PIGN: variants seen among roughly 807,000 people sequenced by gnomAD.
PIGN encodes the protein phosphatidylinositol glycan anchor biosynthesis class N, also known as GPI ethanolamine phosphate transferase 1.
Under a neutral mutation model 125.4 loss-of-function variants are expected in PIGN, and 117 were observed. The ratio of observed to expected loss-of-function variants is 0.93; its 90% CI spans 0.80 to 1.09. The LOEUF is 1.09. PIGN is among the 50% of genes least tolerant of loss of function. PIGN has a pLI of 0.00. For missense variants in PIGN, 1,075 were observed against 1,094.9 expected (o/e 0.98, Z 0.26); for synonymous variants, 392 against 377.8 (o/e 1.04, Z -0.44).
chr18:62,082,424 A>G (rs1440301683), intron 28 of PIGN, among the ~76,000 whole-genome samples: 1 of 152,084 alleles, frequency 6.6e-6, no homozygotes, highest in Non-Finnish European at 1.5e-5. Context: ...GAGGTTCTTC[A>G]CTAGCTTGAA....
At chr18:62,100,568 ATG>A (rs1376753213) in intron 22 of PIGN, among the ~76,000 whole-genome samples, 4 of 148,392 alleles carry the variant, frequency 2.7e-5, no homozygotes, top group Middle Eastern at 4.0e-3. Context: ...CTTAAATTAC[ATG>A]TTTGCTTCAC....
At chr18:62,175,072 A>T (rs1346791442) in intron 1 of PIGN, among the ~76,000 whole-genome samples, 1 of 87,288 alleles carries the variant, frequency 1.1e-5, no homozygotes, top group Admixed American at 1.4e-4. Context: ...TAATAAATAT[A>T]TATATTTAAT....
chr18:62,031,949 T>C (rs150215911), intron 23 of PIGN, among the ~76,000 whole-genome samples: 153 of 152,334 alleles, frequency 1.0e-3, no homozygotes, highest in African/African-American at 2.7e-3. Flanking sequence ...CTTAAGGCTC[T>C]CGGGGTGGAT....
intron 7 of PIGN, among the ~76,000 whole-genome samples, chr18:62,148,789 T>A (rs1435131825): frequency 6.6e-6 from 1 of 152,190 alleles, no homozygotes; most frequent in Non-Finnish European, 1.5e-5. Context: ...TAATCTCTAA[T>A]GTAGAACATT....
At chr18:62,051,819 G>C (rs2031322072) in intron 30 of PIGN, 1 of 152,120 alleles carries the variant, frequency 6.6e-6, no homozygotes, top group Non-Finnish European at 1.5e-5. Flanking sequence ...GATCTTTCCT[G>C]CTTTCTCTTG....
chr18:62,142,027 G>A (rs2036155507), intron 11 of PIGN, among the ~76,000 whole-genome samples: 1 of 152,106 alleles, frequency 6.6e-6, no homozygotes. Context: ...GCTGACTACA[G>A]TCTATCATAT....
Position 62,143,322 on chromosome 18 carries a change from C to T in PIGN, c.947G>A (p.Arg316Lys). 1 of 1,528,080 alleles carries T rather than the reference C, an allele frequency of 6.5e-7. No individual in the cohort carries two copies. The highest frequency in any genetic ancestry group is 9.0e-7 in the Non-Finnish European group (1 of 1,113,652). The allele number at this position is 1,528,080 out of a possible 1,614,324, so 94.7% of individuals were successfully genotyped here. The change falls in exon 11 of 31, where the codon AGG (arginine) becomes AAG (lysine). Residue 316 changes from arginine (R) to lysine (K), a missense_variant. Coordinates refer to ENST00000640252, the MANE Select transcript of PIGN (RefSeq NM_176787.5). ...ACTGGATACCTGATTGACATCTAGC[C>T]TCTTCCAATTCTCCAATCTCCACTC... ...LKEWRLENWKRLDVNQADIAP... is the reference protein window; with the variant it reads ...LKEWRLENWKKLDVNQADIAP...
intron 14 of PIGN, among the ~76,000 whole-genome samples, chr18:62,119,834 ACT>A (rs2035230139): frequency 7.4e-6 from 1 of 135,038 alleles, no homozygotes; most frequent in South Asian, 2.6e-4. Context: ...ACAGAGTGAG[ACT>A]CTGTCTCAAA....
intron 17 of PIGN, 136 bp from the exon 18 acceptor site, chr18:62,107,221 G>A (rs919814150): frequency 6.3e-6 from 4 of 631,570 alleles, no homozygotes; most frequent in African/African-American, 5.6e-5. Context: ...AAGCTCTAAC[G>A]GATTTGTTTC....
At position 62,020,960 on chromosome 18, in the gene PIGN, CAA is replaced by C. The variant is rs35691307; in HGVS notation, c.2143-3221_2143-3220del. 4.3e-3 allele frequency among the ~76,000 whole-genome samples: 484 copies of C among 113,390 alleles called. 3 individuals are homozygous for C. Among genetic ancestry groups the C allele is most frequent in the African/African-American group, 0.011 (312 of 29,254 alleles). The allele number at this position is 113,390 out of a possible 152,430, so 74.4% of individuals were successfully genotyped here. Reference sequence around the variant, plus strand: ...TGGGCGACTGAGCGAGACTCTGTCTCAAAAAAAAAAAAAAAAAAATTTAAAGA... The same window carrying C: ...TGGGCGACTGAGCGAGACTCTGTCTCAAAAAAAAAAAAAAAAATTTAAAGA... On this transcript the variant is annotated intron_variant, in intron 23 of 24. Transcript: ENST00000639600.
rs1056306171 is a variant in PIGN at position 62,041,961 on chromosome 18, A to T, written c.*3895T>A. The T allele has an allele frequency of 1.3e-5, 2 of 152,214 alleles. No individual in the cohort carries two copies. Among genetic ancestry groups the T allele is most frequent in the African/African-American group, 4.8e-5 (2 of 41,464 alleles). The allele number at this position is 152,214 out of a possible 1,614,324, so 9.4% of individuals were successfully genotyped here. ...CGTACATCACAAGTTAAATTCCCTT[A>T]GAACTAATGTAAATATACCTATTTA... On this transcript the variant is annotated 3_prime_UTR_variant, in exon 31 of 31. Transcript: ENST00000640252.
chr18:62,042,777 G>C lies in PIGN; in HGVS notation c.*3079C>G, dbSNP rs2030426780. Reference sequence around the variant, plus strand: ...AAATATTTTAAAATTAGCTAGGTGTGGGGGCATGTGCCTGTAGTCTCAGCT... The same window carrying C: ...AAATATTTTAAAATTAGCTAGGTGTCGGGGCATGTGCCTGTAGTCTCAGCT... On this transcript the variant is annotated 3_prime_UTR_variant, in exon 31 of 31. Coordinates refer to ENST00000640252, the MANE Select transcript of PIGN (RefSeq NM_176787.5). 2 of 151,956 alleles carry C rather than the reference G, an allele frequency of 1.3e-5. No individual in the cohort carries two copies. Among genetic ancestry groups the C allele is most frequent in the Admixed American group, 6.5e-5 (1 of 15,276 alleles). 9.4% of individuals were successfully genotyped at this position (151,956 alleles called of 1,614,324 possible). A position where few individuals can be genotyped will look rare whatever the true frequency, so the allele number is the denominator to read the frequency against.
At chr18:62,091,199 T>G (rs1174329232) in intron 23 of PIGN, among the ~76,000 whole-genome samples, 1 of 151,926 alleles carries the variant, frequency 6.6e-6, no homozygotes, top group African/African-American at 2.4e-5. Context: ...ATACAAAAAA[T>G]TAGCCGGGTG....
chr18:62,063,626 T>C (rs1175803942), intron 30 of PIGN, among the ~76,000 whole-genome samples: 2 of 149,430 alleles, frequency 1.3e-5, no homozygotes, highest in East Asian at 4.2e-4. Context: ...AGTCCCCTAA[T>C]TGAAATTACA....
intron 20 of PIGN, among the ~76,000 whole-genome samples, chr18:62,104,065 G>T (rs2034547057): frequency 6.6e-6 from 1 of 152,184 alleles, no homozygotes; most frequent in South Asian, 2.1e-4. Flanking sequence ...CTGAAGAAGG[G>T]AGATGCTGTG....
rs1185052138 is a variant in PIGN, at chr18:62,101,169, C to T, written c.1983G>A (p.Val661=). The part of the protein sequence containing the change: ...LVHLLQVLST[V]LSMYVVYSTQ... ...TGCTATACACAACATACATGGAGAG[C>T]ACTGTGCTCAGCACCTAAAGACAAA... The change falls in exon 22 of 31, where the codon GTG becomes GTA. Residue 661 remains valine (V), a synonymous_variant. Coordinates refer to ENST00000640252, the MANE Select transcript of PIGN (RefSeq NM_176787.5). The T allele has an allele frequency of 6.3e-7, 1 of 1,597,974 alleles. No individual in the cohort carries two copies. The highest frequency in any genetic ancestry group is 8.6e-7 in the Non-Finnish European group (1 of 1,166,898).
At chr18:62,160,127 G>T (rs1181087114) in intron 4 of PIGN, among the ~76,000 whole-genome samples, 2 of 152,020 alleles carry the variant, frequency 1.3e-5, no homozygotes, top group Non-Finnish European at 2.9e-5. Flanking sequence ...AAAAGAAAAA[G>T]AAAAAGAAAA....
chr18:62,082,640 A>C lies in PIGN; in HGVS notation c.2576+33T>G, dbSNP rs1232673842. On this transcript the variant is annotated intron_variant, in intron 28 of 30. Transcript: ENST00000640252. ...TTACTCTCATCTCCTAAAAATAGGCAAATCAAATGTTTCTTAAACTAATTC... is the reference window on the plus strand; with the variant it reads ...TTACTCTCATCTCCTAAAAATAGGCCAATCAAATGTTTCTTAAACTAATTC... 8 of 1,200,286 alleles carry C rather than the reference A, an allele frequency of 6.7e-6. No homozygotes were observed. In the South Asian group the frequency reaches 1.1e-4, roughly 16 times the overall value. The allele number at this position is 1,200,286 out of a possible 1,614,324, so 74.4% of individuals were successfully genotyped here.
intron 14 of PIGN, among the ~76,000 whole-genome samples, chr18:62,117,040 T>C (rs2035113088): frequency 6.6e-6 from 1 of 152,114 alleles, no homozygotes; most frequent in Admixed American, 6.5e-5. Flanking sequence ...CAGGGTAATT[T>C]GTAATTTTTC....
Sources: allele counts gnomAD v4.1 joint callset (sites outside exome capture counted in the v4.1 genomes callset), GRCh38; gene constraint gnomAD v4.1.1; transcripts MANE v1.5; gene names NCBI Gene and HGNC (gene_info 2026-07-23, HGNC 2026-07-21).